MINDY3: variants seen among roughly 807,000 people sequenced by gnomAD.
The protein encoded by MINDY3 is ubiquitin carboxyl-terminal hydrolase MINDY-3.
In MINDY3, 38 loss-of-function variants were observed where a neutral mutation model predicts 69.2. The ratio of observed to expected loss-of-function variants is 0.55; its 90% CI spans 0.42 to 0.72. The LOEUF (loss-of-function observed/expected upper bound fraction) is 0.72. Among genes scored for constraint, MINDY3 ranks in the 30% least tolerant of loss-of-function variants. The pLI is 0.00. For synonymous variants in MINDY3, 192 were observed against 180.1 expected, an observed-to-expected ratio of 1.07 and a Z score of -0.53; for missense variants, 522 against 519.0, an observed-to-expected ratio of 1.01 and a Z score of -0.06.
chr10:15,800,695 T>G (rs1335837043), intron 10 of MINDY3, among the ~76,000 whole-genome samples: 2 of 152,150 alleles, frequency 1.3e-5, no homozygotes. Context: ...TTGCTTGATA[T>G]GCACCATGGA....
At chr10:15,814,418 C>T (rs1002351485) in intron 10 of MINDY3, among the ~76,000 whole-genome samples, 35 of 151,774 alleles carry the variant, frequency 2.3e-4, no homozygotes, top group Middle Eastern at 3.4e-3. Context: ...AACCCAAATG[C>T]GGGAAATTTG....
chr10:15,850,381 T>C (rs547999809), intron 1 of MINDY3, among the ~76,000 whole-genome samples: 1 of 152,208 alleles, frequency 6.6e-6, no homozygotes, highest in Non-Finnish European at 1.5e-5. Flanking sequence ...GTCTGGGAGC[T>C]GGGCAGAACA....
intron 10 of MINDY3, among the ~76,000 whole-genome samples, chr10:15,807,655 T>G (rs1484455217): frequency 6.6e-6 from 1 of 152,160 alleles, no homozygotes. Context: ...CCTAACAGAA[T>G]ACTTCTAGGC....
chr10:15,832,847 C>T (rs1454339204), intron 8 of MINDY3, among the ~76,000 whole-genome samples: 1 of 152,174 alleles, frequency 6.6e-6, no homozygotes, highest in African/African-American at 2.4e-5. Flanking sequence ...TCATGAATCA[C>T]TTCAATGGGA....
chr10:15,807,313 TG>T (rs1303950762), intron 10 of MINDY3, among the ~76,000 whole-genome samples: 1 of 152,072 alleles, frequency 6.6e-6, no homozygotes. Context: ...GGAAGGAAGT[TG>T]GAAGAAAGAA....
At chr10:15,804,710 C>T (rs1376358147) in intron 10 of MINDY3, among the ~76,000 whole-genome samples, 2 of 152,104 alleles carry the variant, frequency 1.3e-5, no homozygotes, top group Non-Finnish European at 2.9e-5. Flanking sequence ...CACCTTTAGT[C>T]TTTGCTTACT....
chr10:15,858,923 T>A (rs1834882927), intron 1 of MINDY3, among the ~76,000 whole-genome samples: 1 of 151,916 alleles, frequency 6.6e-6, no homozygotes, highest in South Asian at 2.1e-4. Flanking sequence ...GTAACTGACA[T>A]AATTGAATGT....
chr10:15,856,327 T>C (rs1232434565), intron 1 of MINDY3, among the ~76,000 whole-genome samples: 2 of 151,834 alleles, frequency 1.3e-5, no homozygotes, highest in African/African-American at 4.8e-5. Flanking sequence ...CTTTTTTTCA[T>C]ATTACGTAAC....
intron 10 of MINDY3, among the ~76,000 whole-genome samples, chr10:15,798,781 A>AAAAC (rs147975316): frequency 0.41 from 62,596 of 151,032 alleles, 15,582 homozygotes; most frequent in African/African-American, 0.72. Flanking sequence ...CTCTGTCTCA[A>AAAAC]AAACAAACAA....
At chr10:15,830,566 G>A (rs1477639967) in intron 8 of MINDY3, among the ~76,000 whole-genome samples, 2 of 152,152 alleles carry the variant, frequency 1.3e-5, no homozygotes, top group Non-Finnish European at 2.9e-5. Flanking sequence ...GATGGCATGG[G>A]AGTTCATCTT....
At chr10:15,859,527 A>C (rs1834934526) in intron 1 of MINDY3, among the ~76,000 whole-genome samples, 1 of 152,270 alleles carries the variant, frequency 6.6e-6, no homozygotes, top group African/African-American at 2.4e-5. Context: ...TTTCATTATT[A>C]TTTGTACTAA....
chr10:15,816,185 C>T (rs991874372), intron 10 of MINDY3, among the ~76,000 whole-genome samples: 1 of 145,006 alleles, frequency 6.9e-6, no homozygotes, highest in African/African-American at 2.6e-5. Flanking sequence ...CGCTTGAACC[C>T]AGGAGACGTA....
chr10:15,778,226 G>A lies in MINDY3; in HGVS notation c.*766C>T, dbSNP rs143312581. The A allele has an allele frequency of 2.9e-4, 44 of 152,252 alleles. No homozygotes were observed. The highest frequency in any genetic ancestry group is 9.1e-4 in the African/African-American group (38 of 41,556). 9.4% of individuals were successfully genotyped at this position (152,252 alleles called of 1,614,324 possible). On this transcript the variant is annotated 3_prime_UTR_variant, in exon 15 of 15. Coordinates refer to ENST00000277632, the MANE Select transcript of MINDY3 (RefSeq NM_024948.4). ...ATCAACTAGGATCATAATAAATAAC[G>A]TAATATACTAATGTAATAACAGATC...
At position 15,778,722 on chromosome 10, in the gene MINDY3, A is replaced by C. The variant is rs1836287470; in HGVS notation, c.*270T>G. 3.4e-6 allele frequency: 1 copy of C among 297,238 alleles called. No homozygotes were observed. The highest frequency in any genetic ancestry group is 6.2e-6 in the Non-Finnish European group (1 of 160,076). 18.4% of individuals were successfully genotyped at this position (297,238 alleles called of 1,614,324 possible). A position where few individuals can be genotyped will look rare whatever the true frequency, so the allele number is the denominator to read the frequency against. ...GCGTTTGTAATTTGGTAAGTAAATG[A>C]CCAAGTATCTGAATGCAAAAGTGAT... On this transcript the variant is annotated 3_prime_UTR_variant, in exon 15 of 15. Coordinates refer to ENST00000277632, the MANE Select transcript of MINDY3 (RefSeq NM_024948.4).
intron 2 of MINDY3, among the ~76,000 whole-genome samples, chr10:15,847,200 G>T (rs567141477): frequency 1.1e-4 from 17 of 152,222 alleles, no homozygotes; most frequent in African/African-American, 4.1e-4. Flanking sequence ...AGTAAACTGA[G>T]AATTCAATTC....
intron 10 of MINDY3, among the ~76,000 whole-genome samples, chr10:15,798,579 A>C (rs1838017621): frequency 6.6e-6 from 1 of 152,052 alleles, no homozygotes; most frequent in African/African-American, 2.4e-5. Flanking sequence ...ACTTAGTTAG[A>C]GACCAGACTG....
At chr10:15,854,923 C>T (rs1445772704) in intron 1 of MINDY3, among the ~76,000 whole-genome samples, 1 of 152,110 alleles carries the variant, frequency 6.6e-6, no homozygotes, top group African/African-American at 2.4e-5. Flanking sequence ...GAAATCTTCA[C>T]TGTTTGGCCA....
At chr10:15,779,804 AC>A (rs1272535631) in intron 14 of MINDY3, among the ~76,000 whole-genome samples, 4 of 152,360 alleles carry the variant, frequency 2.6e-5, no homozygotes, top group Admixed American at 6.5e-5. Context: ...CTAACCAGAT[AC>A]TGTATATGCA....
intron 10 of MINDY3, among the ~76,000 whole-genome samples, chr10:15,806,828 C>T (rs183286888): frequency 1.3e-5 from 2 of 152,154 alleles, no homozygotes; most frequent in African/African-American, 2.4e-5. Context: ...TACATCTATA[C>T]AGCTTTCACT....
Sources: allele counts gnomAD v4.1 joint callset (sites outside exome capture counted in the v4.1 genomes callset), GRCh38; gene constraint gnomAD v4.1.1; transcripts MANE v1.5; gene names NCBI Gene and HGNC (gene_info 2026-07-23, HGNC 2026-07-21).